Variants in FBN2 observed in about 807,000 individuals in gnomAD.
FBN2 encodes the protein fibrillin 2, also known as fibrillin-2.
In FBN2, 105 loss-of-function variants were observed where a neutral mutation model predicts 355.6. That is an observed-to-expected ratio of 0.30 (90% CI 0.25 to 0.35). The LOEUF (loss-of-function observed/expected upper bound fraction) is 0.35. Among genes scored for constraint, FBN2 ranks in the 10% least tolerant of loss-of-function variants. The pLI is 1.00. For missense variants in FBN2, 3,280 were observed against 3,758.7 expected, an observed-to-expected ratio of 0.87 and a Z score of 3.33; for synonymous variants, 1,350 against 1,301.2, an observed-to-expected ratio of 1.04 and a Z score of -0.81.
rs1356727975 is a variant in FBN2 at position 128,289,261 on chromosome 5, T to C, written c.6512-9A>G. Reference sequence around the variant, plus strand: ...AAGACACTCATTGACATCTAAAATATAGAACTGCATGTGAATTTCCTCATA... The same window carrying C: ...AAGACACTCATTGACATCTAAAATACAGAACTGCATGTGAATTTCCTCATA... On this transcript the variant is annotated splice_polypyrimidine_tract_variant and intron_variant, in intron 51 of 64. Coordinates refer to ENST00000262464, the MANE Select transcript of FBN2 (RefSeq NM_001999.4). 1 of 1,613,724 alleles carries C rather than the reference T, an allele frequency of 6.2e-7. No individual in the cohort carries two copies. The highest frequency in any genetic ancestry group is 8.5e-7 in the Non-Finnish European group (1 of 1,179,726).
At chr5:128,512,240 A>G (rs1756149227) in intron 5 of FBN2, among the ~76,000 whole-genome samples, 1 of 152,162 alleles carries the variant, frequency 6.6e-6, no homozygotes, top group Non-Finnish European at 1.5e-5. Flanking sequence ...GGCCAGGCGC[A>G]GTGGCTTAAG....
At position 128,364,729 on chromosome 5, in the gene FBN2, C is replaced by T. The variant is rs1185149749; in HGVS notation, c.2303-4G>A. On this transcript the variant is annotated splice_polypyrimidine_tract_variant and splice_region_variant and intron_variant, in intron 17 of 64. Coordinates refer to ENST00000262464, the MANE Select transcript of FBN2 (RefSeq NM_001999.4). ...TCCAAAGCACATTCATTGATATCTG[C>T]ATTAAATATTGAAAGTTTAGTGCTA... 2 of 1,611,198 alleles carry T rather than the reference C, an allele frequency of 1.2e-6. No homozygotes were observed. Among genetic ancestry groups the T allele is most frequent in the Admixed American group, 1.7e-5 (1 of 59,984 alleles).
intron 5 of FBN2, among the ~76,000 whole-genome samples, chr5:128,473,608 A>G (rs1268073235): frequency 6.6e-6 from 1 of 152,134 alleles, no homozygotes; most frequent in Non-Finnish European, 1.5e-5. Flanking sequence ...ACCCCAACAC[A>G]TGGGTTTTCT....
chr5:128,336,263 T>G lies in FBN2; in HGVS notation c.3599-150A>C, dbSNP rs1170650264. ...CTCCTGGGGGATTGAAAGAAAATGC[T>G]GGATTCTCTATTTCCATCTACAACA... On this transcript the variant is annotated intron_variant, in intron 27 of 64. Transcript: ENST00000262464. 5.0e-6 allele frequency: 4 copies of G among 794,308 alleles called. No individual in the cohort carries two copies. In the East Asian group the frequency reaches 1.0e-4, roughly 20 times the overall value. 49.2% of individuals were successfully genotyped at this position (794,308 alleles called of 1,614,324 possible).
intron 6 of FBN2, among the ~76,000 whole-genome samples, chr5:128,459,531 C>A (rs1754500707): frequency 6.6e-6 from 1 of 151,936 alleles, no homozygotes; most frequent in South Asian, 2.1e-4. Context: ...AAAACAACAA[C>A]AACAACAAAT....
At chr5:128,280,929 A>C (rs1765523515) in intron 55 of FBN2, among the ~76,000 whole-genome samples, 1 of 152,026 alleles carries the variant, frequency 6.6e-6, no homozygotes, top group Non-Finnish European at 1.5e-5. Flanking sequence ...TGCTTTTTTG[A>C]TATTTTGTAA....
At chr5:128,361,692 G>C (rs922019380) in intron 19 of FBN2, 31 bp downstream of exon 19, 1 of 1,613,168 alleles carries the variant, frequency 6.2e-7, no homozygotes, top group Non-Finnish European at 8.5e-7. Flanking sequence ...TACTCACTAT[G>C]CACAAATAAG....
At chr5:128,377,546 C>G (rs1752109340) in intron 13 of FBN2, among the ~76,000 whole-genome samples, 1 of 119,110 alleles carries the variant, frequency 8.4e-6, no homozygotes, top group Non-Finnish European at 1.8e-5. Flanking sequence ...CTCCCCTCCA[C>G]CACCAAAAAA....
intron 7 of FBN2, among the ~76,000 whole-genome samples, chr5:128,444,909 A>G (rs985783179): frequency 6.6e-6 from 1 of 152,208 alleles, no homozygotes; most frequent in South Asian, 2.1e-4. Flanking sequence ...TCTAGTTTAG[A>G]TATTAGTCCA....
At chr5:128,284,349 A>G (rs1345113668) in intron 55 of FBN2, among the ~76,000 whole-genome samples, 2 of 152,152 alleles carry the variant, frequency 1.3e-5, no homozygotes, top group South Asian at 2.1e-4. Context: ...GATTGCTAAC[A>G]TTCATAGTCC....
At chr5:128,312,593 T>C in intron 37 of FBN2, 41 bp downstream of exon 37, 3 of 1,610,334 alleles carry the variant, frequency 1.9e-6, no homozygotes, top group Non-Finnish European at 2.5e-6. Flanking sequence ...AATCTTTAGA[T>C]ACCAGTTGGT....
Position 128,276,028 on chromosome 5 carries a change from C to T in FBN2, c.7594+10G>A, listed in dbSNP as rs1437523141. On this transcript the variant is annotated intron_variant, in intron 59 of 64. Transcript: ENST00000262464. ...ACTAGGGTCACGATTGTCAGAGACT[C>T]TTCACTCACCTTTGCATGTCTTTCC... 5 of 1,613,526 alleles carry T rather than the reference C, an allele frequency of 3.1e-6. No homozygotes were observed. The highest frequency in any genetic ancestry group is 3.4e-6 in the Non-Finnish European group (4 of 1,179,574).
At chr5:128,433,311 A>G (rs1224709529) in intron 7 of FBN2, among the ~76,000 whole-genome samples, 2 of 152,188 alleles carry the variant, frequency 1.3e-5, no homozygotes, top group East Asian at 3.9e-4. Context: ...ATATTGGTCA[A>G]CATACAAGTT....
intron 36 of FBN2, among the ~76,000 whole-genome samples, chr5:128,315,730 A>T (rs1397967974): frequency 6.6e-6 from 1 of 152,216 alleles, no homozygotes. Context: ...ACGTCATGAA[A>T]ATATGAAAGA....
chr5:128,375,766 T>C (rs1752062852), intron 14 of FBN2, among the ~76,000 whole-genome samples: 1 of 152,204 alleles, frequency 6.6e-6, no homozygotes, highest in Admixed American at 6.5e-5. Context: ...CCAGGTGCGA[T>C]GGCTCATGCC....
intron 1 of FBN2, among the ~76,000 whole-genome samples, chr5:128,537,099 G>A (rs952956803): frequency 6.6e-6 from 1 of 152,088 alleles, no homozygotes; most frequent in African/African-American, 2.4e-5. Flanking sequence ...CTCTGCGATC[G>A]GCACCCCTGG....
chr5:128,305,729 A>C, intron 43 of FBN2, 93 bp from the exon 44 acceptor site: 3 of 1,600,578 alleles, frequency 1.9e-6, no homozygotes, highest in Non-Finnish European at 2.6e-6. Context: ...CTCTTGAAAA[A>C]TTGTAGAAGA....
intron 4 of FBN2, among the ~76,000 whole-genome samples, chr5:128,521,140 G>C (rs1458817127): frequency 2.6e-5 from 4 of 152,078 alleles, no homozygotes; most frequent in African/African-American, 9.7e-5. Context: ...TGATAGACTG[G>C]ATAAAGAAAA....
At chr5:128,387,698 G>T (rs1345429847) in intron 11 of FBN2, among the ~76,000 whole-genome samples, 1 of 152,038 alleles carries the variant, frequency 6.6e-6, no homozygotes, top group Non-Finnish European at 1.5e-5. Context: ...TTATGCTGTG[G>T]TCTGAGAGTG....
Sources: allele counts gnomAD v4.1 joint callset (sites outside exome capture counted in the v4.1 genomes callset), GRCh38; gene constraint gnomAD v4.1.1; transcripts MANE v1.5; gene names NCBI Gene and HGNC (gene_info 2026-07-23, HGNC 2026-07-21).